SYTL2: variants seen among roughly 807,000 people sequenced by gnomAD.
SYTL2 encodes the protein synaptotagmin-like protein 2.
SYTL2 carries 165 observed loss-of-function variants against 198.7 expected under a neutral mutation model. The ratio of observed to expected loss-of-function variants is 0.83; its 90% CI spans 0.73 to 0.94. The LOEUF (loss-of-function observed/expected upper bound fraction) is 0.94. SYTL2 is among the 40% of genes least tolerant of loss of function. SYTL2 has a pLI of 0.00. For synonymous variants in SYTL2, 966 were observed against 917.7 expected, an observed-to-expected ratio of 1.05 and a Z score of -0.95; for missense variants, 2,835 against 2,582.8, an observed-to-expected ratio of 1.10 and a Z score of -2.12.
chr11:85,843,809 T>C, the SYTL2 span, among the ~76,000 whole-genome samples: 2 of 152,192 alleles, frequency 1.3e-5, no homozygotes, highest in Non-Finnish European at 2.9e-5. Flanking sequence ...CTGAGAAGTA[T>C]GCAATATTAT....
chr11:85,791,715 C>G (rs1183577320), intron 1 of SYTL2, among the ~76,000 whole-genome samples: 1 of 152,102 alleles, frequency 6.6e-6, no homozygotes, highest in African/African-American at 2.4e-5. Context: ...TTGACTCCCT[C>G]TCTTCTAACA....
intron 11 of SYTL2, among the ~76,000 whole-genome samples, chr11:85,715,587 A>T (rs187316317): frequency 1.3e-5 from 2 of 152,220 alleles, no homozygotes; most frequent in Admixed American, 1.3e-4. Context: ...AAATCTAATG[A>T]AGGAAAAACT....
At chr11:85,752,631 T>C (rs1027696600) in intron 2 of SYTL2, among the ~76,000 whole-genome samples, 1 of 152,090 alleles carries the variant, frequency 6.6e-6, no homozygotes, top group Admixed American at 6.5e-5. Context: ...TGACACATCG[T>C]AGATCTCTGC....
At chr11:85,823,928 C>T in the SYTL2 span, among the ~76,000 whole-genome samples, 2,283 of 152,298 alleles carry the variant, frequency 0.015, 28 homozygotes, top group African/African-American at 0.033. Flanking sequence ...CATCAGCCAC[C>T]TTCATGTTCA....
At chr11:85,835,841 T>G in the SYTL2 span, among the ~76,000 whole-genome samples, 6 of 152,164 alleles carry the variant, frequency 3.9e-5, no homozygotes, top group Admixed American at 3.3e-4. Context: ...TATGTCTAGT[T>G]GCTATTTGGT....
At chr11:85,735,049 G>C (rs2090197006) in intron 6 of SYTL2, among the ~76,000 whole-genome samples, 1 of 152,126 alleles carries the variant, frequency 6.6e-6, no homozygotes, top group Non-Finnish European at 1.5e-5. Flanking sequence ...ATGTACTTTG[G>C]GTGATAGTGA....
At chr11:85,744,129 T>A (rs2090994223) in intron 4 of SYTL2, among the ~76,000 whole-genome samples, 2 of 152,148 alleles carry the variant, frequency 1.3e-5, no homozygotes, top group African/African-American at 4.8e-5. Flanking sequence ...CAGAATAGTG[T>A]GTCCTTCACA....
chr11:85,723,954 C>A, intron 8 of SYTL2, 78 bp downstream of exon 8: 2 of 710,226 alleles, frequency 2.8e-6, no homozygotes, highest in Non-Finnish European at 4.1e-6. Flanking sequence ...AAATTAATCC[C>A]AATTAAAAAA....
chr11:85,839,890 C>T, the SYTL2 span, among the ~76,000 whole-genome samples: 1 of 152,182 alleles, frequency 6.6e-6, no homozygotes. Context: ...TACTAATTTA[C>T]ATTCCCACCA....
At chr11:85,769,764 A>T (rs1044887090) in intron 1 of SYTL2, among the ~76,000 whole-genome samples, 1 of 152,184 alleles carries the variant, frequency 6.6e-6, no homozygotes, top group Non-Finnish European at 1.5e-5. Context: ...AGCGGCTTAC[A>T]TACAGGGAAG....
the SYTL2 span, among the ~76,000 whole-genome samples, chr11:85,831,435 T>C: frequency 6.6e-6 from 1 of 152,084 alleles, no homozygotes; most frequent in African/African-American, 2.4e-5. Context: ...GAAAAACCCA[T>C]CTGAAAAACA....
intron 1 of SYTL2, among the ~76,000 whole-genome samples, chr11:85,787,750 C>G (rs1258568944): frequency 7.0e-6 from 1 of 142,058 alleles, no homozygotes; most frequent in African/African-American, 2.6e-5. Context: ...ATATTCATAC[C>G]CAAGGCAGCC....
At chr11:85,814,777 G>C (rs1040753541), upstream of SYTL2, among the ~76,000 whole-genome samples, 2 of 152,148 alleles carry the variant, frequency 1.3e-5, no homozygotes, top group Non-Finnish European at 2.9e-5. Context: ...GCATAAGCTA[G>C]GTGTGGTTCC....
chr11:85,845,256 G>A, the SYTL2 span, among the ~76,000 whole-genome samples: 654 of 152,254 alleles, frequency 4.3e-3, 2 homozygotes, highest in Non-Finnish European at 7.0e-3. Context: ...CCCCTAAAAT[G>A]AGAACTCCTT....
chr11:85,852,364 C>A, the SYTL2 span, among the ~76,000 whole-genome samples: 1 of 151,134 alleles, frequency 6.6e-6, no homozygotes, highest in South Asian at 2.1e-4. Flanking sequence ...CCCCCTCCCC[C>A]TCTCCCTCTC....
Position 85,738,382 on chromosome 11 carries a change from G to A in SYTL2, c.390-726C>T, listed in dbSNP as rs78386420. Reference sequence around the variant, plus strand: ...GTTCCAGAAAGGCATTATAGCAGATGAGCAGAAGGATATAAAATACAGCCT... The same window carrying A: ...GTTCCAGAAAGGCATTATAGCAGATAAGCAGAAGGATATAAAATACAGCCT... On this transcript the variant is annotated intron_variant, in intron 4 of 19. Transcript: ENST00000359152. Among the ~76,000 whole-genome samples the A allele has an allele frequency of 8.1e-4, 124 of 152,202 alleles. 4 individuals carry two copies. In the South Asian group the frequency reaches 0.012, roughly 15 times the overall value.
In SYTL2 at chr11:85,734,527, C is replaced by T; in HGVS notation, c.802G>A (p.Gly268Arg). Residue 268 changes from glycine to arginine, a missense_variant, in exon 7 of 20, where the codon GGG (glycine) becomes AGG (arginine). Physicochemically the swap from Gly to Arg is moderately radical, Grantham distance 125 (BLOSUM62 -2). Coordinates refer to ENST00000359152, the MANE Select transcript of SYTL2 (RefSeq NM_206927.4). The stretch of plus-strand genomic sequence containing the variant: ...CGCTTGAGGATCCCTCTCGGAGCCC[C>T]TCTCGCTTTCAGGGAGTCTGTCCTT... Reference protein sequence around the residue: ...RQRTDSLKARGAPRGILKRNS... With the variant: ...RQRTDSLKARRAPRGILKRNS... 1 of 1,614,218 alleles carries T rather than the reference C, an allele frequency of 6.2e-7. No homozygotes were observed. Among genetic ancestry groups the T allele is most frequent in the Non-Finnish European group, 8.5e-7 (1 of 1,180,030 alleles).
chr11:85,702,088 A>G (rs1193331755), intron 16 of SYTL2, among the ~76,000 whole-genome samples: 1 of 152,226 alleles, frequency 6.6e-6, no homozygotes, highest in Non-Finnish European at 1.5e-5. Flanking sequence ...AGTGGTTTTC[A>G]AAGTACCGTT....
In SYTL2 at chr11:85,724,024, A is replaced by G; in HGVS notation, c.5326+8T>C. On this transcript the variant is annotated splice_region_variant and intron_variant, in intron 8 of 19. Transcript: ENST00000359152. Reference sequence around the variant, plus strand: ...CTCACTGTGAGTTAAAAAATTTTAAATGCTCACTGGAAGGATTTCTCCAGC... The same window carrying G: ...CTCACTGTGAGTTAAAAAATTTTAAGTGCTCACTGGAAGGATTTCTCCAGC... The G allele has an allele frequency of 7.0e-7, 1 of 1,429,894 alleles. No homozygotes were observed. Among genetic ancestry groups the G allele is most frequent in the Non-Finnish European group, 9.2e-7 (1 of 1,088,822 alleles). The allele number at this position is 1,429,894 out of a possible 1,614,324, so 88.6% of individuals were successfully genotyped here.
Sources: allele counts gnomAD v4.1 joint callset (sites outside exome capture counted in the v4.1 genomes callset), GRCh38; gene constraint gnomAD v4.1.1; transcripts MANE v1.5; gene names NCBI Gene and HGNC (gene_info 2026-07-23, HGNC 2026-07-21).